The following RERE variants were observed in gnomAD, a reference collection of about 807,000 sequenced individuals.
RERE encodes arginine-glutamic acid dipeptide repeats protein.
A neutral mutation model predicts 146.1 loss-of-function variants in RERE; 40 were observed. That is an observed-to-expected ratio of 0.27 (90% CI 0.21 to 0.36). The LOEUF is 0.36. Ranked by LOEUF, RERE falls within the 10% of genes least tolerant of loss-of-function variation. The pLI, the probability that RERE is intolerant of heterozygous loss-of-function variation, is 1.00. For synonymous variants in RERE, 1,003 were observed against 866.0 expected (o/e 1.16, Z -2.78); for missense variants, 1,933 against 2,138.7 (o/e 0.90, Z 1.90).
chr1:8,591,258 G>C (rs1293098508), intron 4 of RERE, among the ~76,000 whole-genome samples: 4 of 152,102 alleles, frequency 2.6e-5, no homozygotes, highest in African/African-American at 9.7e-5. Flanking sequence ...GATGTGAAGA[G>C]GCTTTTCTGG....
intron 4 of RERE, among the ~76,000 whole-genome samples, chr1:8,586,491 A>T (rs1289500679): frequency 6.6e-6 from 1 of 152,236 alleles, no homozygotes; most frequent in African/African-American, 2.4e-5. Context: ...GATTTTAAAA[A>T]GAAAACACTA....
intron 12 of RERE, among the ~76,000 whole-genome samples, chr1:8,399,529 T>G (rs965180737): frequency 1.3e-5 from 2 of 152,170 alleles, no homozygotes; most frequent in African/African-American, 4.8e-5. Context: ...TCTTAATTAC[T>G]CTAACTTTAC....
chr1:8,401,400 C>A (rs903516888), intron 12 of RERE, among the ~76,000 whole-genome samples: 4 of 151,856 alleles, frequency 2.6e-5, no homozygotes, highest in Non-Finnish European at 5.9e-5. Flanking sequence ...CGAGATCCTG[C>A]CACTGCACGC....
intron 1 of RERE, among the ~76,000 whole-genome samples, chr1:8,672,320 C>T (rs1181921582): frequency 1.3e-5 from 2 of 152,018 alleles, no homozygotes; most frequent in Non-Finnish European, 2.9e-5. Context: ...ACTACAGGTA[C>T]GTATCACCAC....
At chr1:8,404,241 C>T (rs1480378664) in intron 12 of RERE, among the ~76,000 whole-genome samples, 1 of 152,116 alleles carries the variant, frequency 6.6e-6, no homozygotes, top group Non-Finnish European at 1.5e-5. Context: ...CACGGTGAAA[C>T]CCCGTCTCTA....
At chr1:8,799,748 G>A (rs1254464743) in intron 1 of RERE, among the ~76,000 whole-genome samples, 2 of 151,278 alleles carry the variant, frequency 1.3e-5, no homozygotes, top group Non-Finnish European at 2.9e-5. Context: ...GTTTTTTTGT[G>A]ATTTTTTTTT....
intron 11 of RERE, among the ~76,000 whole-genome samples, chr1:8,448,092 C>A (rs1272519639): frequency 6.6e-6 from 1 of 152,198 alleles, no homozygotes; most frequent in Non-Finnish European, 1.5e-5. Flanking sequence ...CCAAGTCCAC[C>A]ACTGCCATTA....
chr1:8,786,534 A>G, intron 1 of RERE: 1 of 781,322 alleles, frequency 1.3e-6, no homozygotes, highest in Non-Finnish European at 2.3e-6. Context: ...ATGGCTCTAC[A>G]ATCCTCAGCA....
chr1:8,599,080 G>A (rs750348406), intron 4 of RERE, among the ~76,000 whole-genome samples: 5 of 152,174 alleles, frequency 3.3e-5, no homozygotes, highest in South Asian at 2.1e-4. Flanking sequence ...GGCGGACAGC[G>A]GGGCAGGGGT....
chr1:8,497,845 G>A lies in RERE; in HGVS notation c.880-316C>T, dbSNP rs1645065949. ...AAAATAAACAAAAAAACAAAATAATGTCTTTAGATGATAACAGCTATTGAT... is the reference window on the plus strand; with the variant it reads ...AAAATAAACAAAAAAACAAAATAATATCTTTAGATGATAACAGCTATTGAT... On this transcript the variant is annotated intron_variant, in intron 8 of 22. Transcript: ENST00000400908. Among the ~76,000 whole-genome samples the A allele has an allele frequency of 1.3e-5, 2 of 152,100 alleles. 1 individual carries two copies. The highest frequency in any genetic ancestry group is 4.1e-4 in the South Asian group (2 of 4,824).
intron 6 of RERE, among the ~76,000 whole-genome samples, chr1:8,550,623 T>C (rs909709118): frequency 6.6e-6 from 1 of 152,150 alleles, no homozygotes; most frequent in South Asian, 2.1e-4. Context: ...CTTGGCTCAC[T>C]GCAACCTCTG....
At chr1:8,752,038 C>A (rs1640547824) in intron 1 of RERE, among the ~76,000 whole-genome samples, 1 of 151,354 alleles carries the variant, frequency 6.6e-6, no homozygotes. Flanking sequence ...TCTAGAATAA[C>A]CCATTTAACC....
At position 8,653,526 on chromosome 1, in the gene RERE, T is replaced by A. The variant is rs1161323746; in HGVS notation, c.325+2447A>T. Among the ~76,000 whole-genome samples the A allele has an allele frequency of 2.0e-5, 3 of 152,086 alleles. No homozygotes were observed. The East Asian group carries it at 5.8e-4, about 29-fold the overall frequency. On this transcript the variant is annotated intron_variant, in intron 2 of 22. Transcript: ENST00000400908. ...ATCGAGACCACGGTGAAACCCCGTCTCTACTAAAAATACAAAATATTAGCT... is the reference window on the plus strand; with the variant it reads ...ATCGAGACCACGGTGAAACCCCGTCACTACTAAAAATACAAAATATTAGCT...
At chr1:8,790,218 T>G (rs920674181) in intron 1 of RERE, among the ~76,000 whole-genome samples, 2 of 152,086 alleles carry the variant, frequency 1.3e-5, no homozygotes, top group African/African-American at 4.8e-5. Flanking sequence ...TGTGCTCCTT[T>G]GGGACAGGAA....
intron 12 of RERE, among the ~76,000 whole-genome samples, chr1:8,414,096 T>G (rs1034628870): frequency 1.4e-5 from 2 of 147,260 alleles, no homozygotes; most frequent in African/African-American, 5.0e-5. Context: ...CTCAGATACC[T>G]TTCAGAGAAG....
At chr1:8,764,135 C>T (rs1640805513) in intron 1 of RERE, among the ~76,000 whole-genome samples, 1 of 152,108 alleles carries the variant, frequency 6.6e-6, no homozygotes, top group Non-Finnish European at 1.5e-5. Flanking sequence ...TTCCCTTTCC[C>T]TCATCACTGC....
chr1:8,623,914 G>A (rs1445131624), intron 3 of RERE, among the ~76,000 whole-genome samples: 5 of 152,130 alleles, frequency 3.3e-5, no homozygotes, highest in African/African-American at 4.8e-5. Flanking sequence ...GGAAGTGACA[G>A]GTTTCCACTG....
chr1:8,601,803 T>C (rs900846810), intron 4 of RERE, among the ~76,000 whole-genome samples: 2 of 151,080 alleles, frequency 1.3e-5, no homozygotes, highest in Non-Finnish European at 2.9e-5. Context: ...ACACATCTTC[T>C]ATTAGAGAGA....
At chr1:8,673,665 C>A (rs1370535542) in intron 1 of RERE, among the ~76,000 whole-genome samples, 1 of 152,132 alleles carries the variant, frequency 6.6e-6, no homozygotes, top group African/African-American at 2.4e-5. Flanking sequence ...GTGAAATAAA[C>A]AAAGGGCTCC....
Sources: gnomAD v4.1 joint callset for allele counts (sites outside exome capture counted in the v4.1 genomes callset) on GRCh38, gnomAD v4.1.1 for gene constraint, MANE v1.5 for transcripts, NCBI Gene and HGNC (gene_info 2026-07-23, HGNC 2026-07-21) for gene names.